XKR4: variants seen among roughly 807,000 people sequenced by gnomAD.
The protein encoded by XKR4 is XK related 4, also known as XK-related protein 4.
Under a neutral mutation model 53.9 loss-of-function variants are expected in XKR4, and 12 were observed. The ratio of observed to expected loss-of-function variants is 0.22; its 90% CI spans 0.14 to 0.36. The LOEUF (loss-of-function observed/expected upper bound fraction) is 0.36. Among genes scored for constraint, XKR4 ranks in the 10% least tolerant of loss-of-function variants. The probability of loss-of-function intolerance (pLI) is 1.00; values close to 1 mark genes in which losing one functional copy is unlikely to be tolerated. For synonymous variants in XKR4, 354 were observed against 362.4 expected, an observed-to-expected ratio of 0.98 and a Z score of 0.26; for missense variants, 799 against 859.5, an observed-to-expected ratio of 0.93 and a Z score of 0.88.
intron 1 of XKR4, among the ~76,000 whole-genome samples, chr8:55,211,426 C>A (rs34465009): frequency 0.15 from 23,000 of 152,180 alleles, 2,123 homozygotes; most frequent in Non-Finnish European, 0.21. Flanking sequence ...AATACAACTT[C>A]TTTGACAGGT....
chr8:55,207,742 G>GGAAGAGGAGGAGGAAGAA (rs1454900456), intron 1 of XKR4, among the ~76,000 whole-genome samples: 2 of 152,022 alleles, frequency 1.3e-5, no homozygotes, highest in Non-Finnish European at 2.9e-5. Flanking sequence ...AGGAGGAAGA[G>GGAAGAGGAGGAGGAAGAA]GAAGAAAAAG....
intron 1 of XKR4, among the ~76,000 whole-genome samples, chr8:55,232,854 G>T (rs1195015998): frequency 6.6e-6 from 1 of 152,150 alleles, no homozygotes; most frequent in African/African-American, 2.4e-5. Context: ...CACCTTCATT[G>T]TCTGATTCTT....
chr8:55,267,480 T>C (rs558855325), intron 1 of XKR4, among the ~76,000 whole-genome samples: 141 of 152,320 alleles, frequency 9.3e-4, no homozygotes, highest in African/African-American at 2.8e-3. Flanking sequence ...CAGGTCTTAG[T>C]TGGCATAATG....
chr8:55,450,849 G>T, intron 2 of XKR4: 1 of 481,246 alleles, frequency 2.1e-6, no homozygotes. Context: ...CCATCAGCAC[G>T]GAGGAACTTG....
At chr8:55,279,031 A>G (rs928155933) in intron 1 of XKR4, among the ~76,000 whole-genome samples, 2 of 152,226 alleles carry the variant, frequency 1.3e-5, no homozygotes, top group Non-Finnish European at 2.9e-5. Flanking sequence ...TGTGTCCAAA[A>G]AGATGAATTC....
chr8:55,420,803 T>C (rs952667549), intron 2 of XKR4, among the ~76,000 whole-genome samples: 3 of 150,770 alleles, frequency 2.0e-5, no homozygotes, highest in African/African-American at 7.3e-5. Context: ...AATAGATAAA[T>C]AAATAAATAA....
intron 1 of XKR4, among the ~76,000 whole-genome samples, chr8:55,135,889 C>CTTTTT (rs71256514): frequency 1.4e-5 from 2 of 146,026 alleles, no homozygotes; most frequent in African/African-American, 2.5e-5. Flanking sequence ...AACATGCTCA[C>CTTTTT]TTTTTTTTTT....
chr8:55,295,341 T>C (rs1819086889), intron 1 of XKR4, among the ~76,000 whole-genome samples: 1 of 152,196 alleles, frequency 6.6e-6, no homozygotes, highest in Non-Finnish European at 1.5e-5. Flanking sequence ...GAATATTTCT[T>C]CTAGGAGATA....
At chr8:55,391,707 A>G (rs1468351601) in intron 2 of XKR4, among the ~76,000 whole-genome samples, 1 of 152,200 alleles carries the variant, frequency 6.6e-6, no homozygotes, top group Non-Finnish European at 1.5e-5. Flanking sequence ...TATATTTTCC[A>G]TATTCAAAAC....
In XKR4 at chr8:55,103,084, G is replaced by A; in HGVS notation, c.596G>A (p.Gly199Glu). The A allele has an allele frequency of 2.5e-6, 4 of 1,613,010 alleles. No individual in the cohort carries two copies. The highest frequency in any genetic ancestry group is 3.4e-6 in the Non-Finnish European group (4 of 1,179,790). ...GADCKTVVGG[G>E]SAAGEGEARP... Reference sequence around the variant, plus strand: ...GATTGCAAGACGGTGGTCGGCGGTGGGTCTGCAGCCGGGGAAGGCGAGGCT... The same window carrying A: ...GATTGCAAGACGGTGGTCGGCGGTGAGTCTGCAGCCGGGGAAGGCGAGGCT... The change falls in exon 1 of 3, where the codon GGG becomes GAG. Residue 199 changes from glycine (G) to glutamate (E), a missense_variant. This residue lies in a region of XKR4 where 476 missense variants were observed against 505.4 expected (regional missense o/e 0.94). Transcript: ENST00000327381.
chr8:55,151,575 A>G (rs1816840730), intron 1 of XKR4, among the ~76,000 whole-genome samples: 1 of 152,222 alleles, frequency 6.6e-6, no homozygotes, highest in Non-Finnish European at 1.5e-5. Flanking sequence ...GAGTGTACTT[A>G]AGAAACATTT....
rs1046626527 is a variant in XKR4, at chr8:55,310,251, G to A, written c.807-47427G>A. ...ACAACTGCGTCAATATTTTTAAATC[G>A]GAGAAAATATGCATGGTCTTTGGTA... is the stretch of plus-strand genomic sequence containing the variant. On this transcript the variant is annotated intron_variant, in intron 1 of 2. Coordinates refer to ENST00000327381, the MANE Select transcript of XKR4 (RefSeq NM_052898.2). Among the ~76,000 whole-genome samples, 7 of 151,986 alleles carry A rather than the reference G, an allele frequency of 4.6e-5. No individual in the cohort carries two copies. In the East Asian group the frequency reaches 5.8e-4, roughly 13 times the overall value.
intron 2 of XKR4, chr8:55,453,613 C>A (rs1010663368): frequency 2.4e-6 from 1 of 415,342 alleles, no homozygotes; most frequent in Non-Finnish European, 4.6e-6. Context: ...CACCTTGCAT[C>A]TTGGCCTCAG....
In XKR4 at chr8:55,434,410, C is replaced by CGTGTGTGT. The variant is rs10598891; in HGVS notation, c.1006+76558_1006+76565dup. ...TTGATTGTTCTTACTTGATACCAAT[C>CGTGTGTGT]GTGTGTGTGTGTGTGTGTGTGTGTG... On this transcript the variant is annotated intron_variant, in intron 2 of 2. Coordinates refer to ENST00000327381, the MANE Select transcript of XKR4 (RefSeq NM_052898.2). 7.2e-3 allele frequency among the ~76,000 whole-genome samples: 1,064 copies of CGTGTGTGT among 148,232 alleles called. 8 individuals are homozygous for CGTGTGTGT. The highest frequency in any genetic ancestry group is 0.024 in the African/African-American group (972 of 39,860).
rs547130624 is a variant in XKR4, at chr8:55,184,636, G to A, written c.806+81342G>A. Among the ~76,000 whole-genome samples, 5 of 152,212 alleles carry A rather than the reference G, an allele frequency of 3.3e-5. No individual in the cohort carries two copies. The South Asian group carries it at 6.2e-4, about 19-fold the overall frequency. Reference sequence around the variant, plus strand: ...TGGCTCTTCTTTGGAAACAAACTTCGTATACATCTCTGTGCCACGCTGGGT... The same window carrying A: ...TGGCTCTTCTTTGGAAACAAACTTCATATACATCTCTGTGCCACGCTGGGT... On this transcript the variant is annotated intron_variant, in intron 1 of 2. Transcript: ENST00000327381.
intron 2 of XKR4, among the ~76,000 whole-genome samples, chr8:55,446,704 A>G (rs1045827466): frequency 6.6e-6 from 1 of 152,178 alleles, no homozygotes; most frequent in African/African-American, 2.4e-5. Flanking sequence ...CAGCTTGCCC[A>G]ATAAAGTTTA....
intron 1 of XKR4, among the ~76,000 whole-genome samples, chr8:55,206,211 G>A (rs967481663): frequency 1.7e-4 from 26 of 152,090 alleles, no homozygotes; most frequent in Non-Finnish European, 4.4e-5. Context: ...GGAGCGGGTT[G>A]CCACTGGGGC....
At chr8:55,203,715 C>T (rs1817606456) in intron 1 of XKR4, among the ~76,000 whole-genome samples, 1 of 152,136 alleles carries the variant, frequency 6.6e-6, no homozygotes, top group African/African-American at 2.4e-5. Flanking sequence ...GGGGTCCCAG[C>T]ACTGCTATCT....
intron 2 of XKR4, among the ~76,000 whole-genome samples, chr8:55,487,381 C>T (rs1806208718): frequency 6.6e-6 from 1 of 152,150 alleles, no homozygotes; most frequent in Non-Finnish European, 1.5e-5. Flanking sequence ...ACATAGTCCA[C>T]TCAGACTCAC....
Sources: allele counts gnomAD v4.1 joint callset (sites outside exome capture counted in the v4.1 genomes callset), GRCh38; gene constraint gnomAD v4.1.1; regional missense constraint gnomAD v4.1.1; transcripts MANE v1.5; gene names NCBI Gene and HGNC (gene_info 2026-07-23, HGNC 2026-07-21).